Variants in PTCHD4 observed in about 807,000 individuals in gnomAD.
The protein encoded by PTCHD4 is patched domain-containing protein 4.
Under a neutral mutation model 58.1 loss-of-function variants are expected in PTCHD4, and 33 were observed. That is an observed-to-expected ratio of 0.57 (90% CI 0.43 to 0.76). PTCHD4 has a LOEUF of 0.76. Ranked by LOEUF, PTCHD4 falls within the 30% of genes least tolerant of loss-of-function variation. The pLI is 0.00. For synonymous variants in PTCHD4, 478 were observed against 409.6 expected, an observed-to-expected ratio of 1.17 and a Z score of -2.02; for missense variants, 1,058 against 1,027.1, an observed-to-expected ratio of 1.03 and a Z score of -0.41.
intron 4 of PTCHD4, among the ~76,000 whole-genome samples, chr6:47,984,224 T>C (rs1767984208): frequency 6.6e-6 from 1 of 152,172 alleles, no homozygotes; most frequent in Non-Finnish European, 1.5e-5. Flanking sequence ...ATAAAGATAC[T>C]ACCTGAAACT....
At chr6:48,075,250 C>T (rs1765041471) in intron 1 of PTCHD4, among the ~76,000 whole-genome samples, 1 of 152,120 alleles carries the variant, frequency 6.6e-6, no homozygotes, top group African/African-American at 2.4e-5. Flanking sequence ...ATGATAAACA[C>T]CATTCTTATT....
chr6:48,055,277 T>A (rs181729083), intron 3 of PTCHD4, among the ~76,000 whole-genome samples: 1 of 152,172 alleles, frequency 6.6e-6, no homozygotes, highest in Non-Finnish European at 1.5e-5. Flanking sequence ...ATGCAACCTA[T>A]GATGACAACT....
rs188775454 is a variant in PTCHD4 at position 47,872,408 on chromosome 6, G to C, written c.*5895C>G. ...TGTGGCAACAGAGGGAAAGAAAACC[G>C]TAATGCTCCTCTATTAGACCATGCC... On this transcript the variant is annotated 3_prime_UTR_variant, in exon 5 of 5. Coordinates refer to ENST00000339488, the MANE Select transcript of PTCHD4 (RefSeq NM_001384253.1). 6.6e-6 allele frequency among the ~76,000 whole-genome samples: 1 copy of C among 151,616 alleles called. No homozygotes were observed. The highest frequency in any genetic ancestry group is 6.6e-5 in the Admixed American group (1 of 15,166).
At chr6:48,098,079 A>T (rs944755837) in intron 1 of PTCHD4, among the ~76,000 whole-genome samples, 13 of 152,128 alleles carry the variant, frequency 8.5e-5, no homozygotes, top group African/African-American at 3.1e-4. Flanking sequence ...TAGTGTTGCC[A>T]GCCACAATCA....
In PTCHD4 at chr6:47,877,778, C is replaced by T. The variant is rs751277762; in HGVS notation, c.*525G>A. Among the ~76,000 whole-genome samples the T allele has an allele frequency of 5.9e-5, 9 of 151,882 alleles. No homozygotes were observed. Among genetic ancestry groups the T allele is most frequent in the Admixed American group, 2.0e-4 (3 of 15,220 alleles). ...AGACAAAACTAAGTATATGTATATA[C>T]GGGATATATACATATATATGTACAC... On this transcript the variant is annotated 3_prime_UTR_variant, in exon 5 of 5. Coordinates refer to ENST00000339488, the MANE Select transcript of PTCHD4 (RefSeq NM_001384253.1).
At chr6:47,999,615 G>T (rs957511574) in intron 4 of PTCHD4, among the ~76,000 whole-genome samples, 1 of 152,098 alleles carries the variant, frequency 6.6e-6, no homozygotes, top group African/African-American at 2.4e-5. Context: ...CACGCTTTGG[G>T]AAATAGACGT....
chr6:48,094,396 T>C (rs979191163), intron 1 of PTCHD4, among the ~76,000 whole-genome samples: 2 of 152,114 alleles, frequency 1.3e-5, no homozygotes, highest in African/African-American at 4.8e-5. Flanking sequence ...GCTGGGTTGA[T>C]AGATAAGGGG....
chr6:47,879,818 C>T lies in PTCHD4; in HGVS notation c.1017G>A (p.Met339Ile). Residue 339 changes from methionine (M) to isoleucine (I), a missense_variant, in exon 5 of 5, where the codon ATG (methionine) becomes ATA (isoleucine). By Grantham distance (10) the Met-to-Ile change is conservative. Coordinates refer to ENST00000339488, the MANE Select transcript of PTCHD4 (RefSeq NM_001384253.1). The stretch of plus-strand genomic sequence containing the variant: ...AAGTGATGAAGTACAGGGAGCTGGT[C>T]ATGGTATAGGTGACCATCACATCAG... ...AYSDVMVTYT[M>I]TSSLYFITFG... 6.2e-7 allele frequency: 1 copy of T among 1,613,444 alleles called. No individual in the cohort carries two copies. The highest frequency in any genetic ancestry group is 1.1e-5 in the South Asian group (1 of 90,990).
At chr6:47,955,697 T>G (rs1411513286) in intron 4 of PTCHD4, among the ~76,000 whole-genome samples, 2 of 152,156 alleles carry the variant, frequency 1.3e-5, no homozygotes, top group African/African-American at 2.4e-5. Context: ...TTAGTAAGAG[T>G]AAGGCTTATG....
At chr6:48,038,364 G>A (rs1447898782) in intron 3 of PTCHD4, among the ~76,000 whole-genome samples, 1 of 152,036 alleles carries the variant, frequency 6.6e-6, no homozygotes, top group East Asian at 1.9e-4. Flanking sequence ...TCTAGAGGCT[G>A]CATGTGGCAG....
At chr6:48,004,346 T>C (rs1019919320) in intron 4 of PTCHD4, among the ~76,000 whole-genome samples, 7 of 152,088 alleles carry the variant, frequency 4.6e-5, no homozygotes, top group Non-Finnish European at 1.0e-4. Flanking sequence ...AGACTCAGAA[T>C]GGACAAAAAA....
At chr6:48,020,597 A>G (rs893640231) in intron 3 of PTCHD4, among the ~76,000 whole-genome samples, 5 of 152,128 alleles carry the variant, frequency 3.3e-5, no homozygotes, top group African/African-American at 9.7e-5. Flanking sequence ...CTGCATGTCG[A>G]AACCAAGATA....
At chr6:47,897,941 T>C (rs1170787595) in intron 4 of PTCHD4, among the ~76,000 whole-genome samples, 14 of 27,488 alleles carry the variant, frequency 5.1e-4, no homozygotes, top group Non-Finnish European at 8.8e-4. Flanking sequence ...TCTTTCTTTC[T>C]TTTTTTTTTT....
Position 47,878,464 on chromosome 6 carries a change from A to T in PTCHD4, c.2371T>A (p.Cys791Ser). ...ATAACAAAACAGTGCAGAAGTGTGC[A>T]ACCCCCAGTGAGCAGCAAGCATTTG... is the stretch of plus-strand genomic sequence containing the variant. ...LFKCLLLTGGCTLLHCFVILP... is the reference protein window; with the variant it reads ...LFKCLLLTGGSTLLHCFVILP... Residue 791 changes from cysteine to serine, a missense_variant, in exon 5 of 5, where the codon TGC becomes AGC. Cys to Ser is a moderately radical substitution (Grantham distance 112). Transcript: ENST00000339488. 6.2e-7 allele frequency: 1 copy of T among 1,613,558 alleles called. No homozygotes were observed. The highest frequency in any genetic ancestry group is 1.1e-5 in the South Asian group (1 of 91,074).
intron 1 of PTCHD4, among the ~76,000 whole-genome samples, chr6:48,082,827 C>T (rs1401598042): frequency 4.6e-5 from 7 of 151,910 alleles, no homozygotes; most frequent in South Asian, 2.1e-4. Context: ...ATGTATATAA[C>T]GAATGGTATA....
At chr6:48,084,002 A>G (rs1765214456) in intron 1 of PTCHD4, among the ~76,000 whole-genome samples, 1 of 152,170 alleles carries the variant, frequency 6.6e-6, no homozygotes, top group East Asian at 1.9e-4. Context: ...GGGAGTTGTA[A>G]GCCACTAAGT....
At position 47,905,692 on chromosome 6, in the gene PTCHD4, T is replaced by G. The variant is rs184324560; in HGVS notation, c.899-25756A>C. On this transcript the variant is annotated intron_variant, in intron 4 of 4. Transcript: ENST00000339488. ...ATTACTGTATCCCCAATGTGCATAATACATCAACACATCACACAGAGTAGA... is the reference window on the plus strand; with the variant it reads ...ATTACTGTATCCCCAATGTGCATAAGACATCAACACATCACACAGAGTAGA... Among the ~76,000 whole-genome samples, 4 of 152,334 alleles carry G rather than the reference T, an allele frequency of 2.6e-5. No individual in the cohort carries two copies. In the East Asian group the frequency reaches 7.7e-4, roughly 29 times the overall value.
At chr6:48,070,058 G>T (rs1471237754) in intron 1 of PTCHD4, among the ~76,000 whole-genome samples, 132 bp from the exon 2 acceptor site, 1 of 152,086 alleles carries the variant, frequency 6.6e-6, no homozygotes, top group African/African-American at 2.4e-5. Flanking sequence ...ACCCAAAAGT[G>T]TGAAGATGAG....
rs1763566407 is a variant in PTCHD4 at position 47,866,515 on chromosome 6, T to A, written c.*11788A>T. On this transcript the variant is annotated 3_prime_UTR_variant, in exon 5 of 5. Transcript: ENST00000339488. ...ATGGTCTCGTATGGCCACTTGGTTG[T>A]TGGATTTATCTCCATTCTACTTCTG... is the stretch of plus-strand genomic sequence containing the variant. 6.6e-6 allele frequency among the ~76,000 whole-genome samples: 1 copy of A among 151,850 alleles called. No homozygotes were observed. The highest frequency in any genetic ancestry group is 1.5e-5 in the Non-Finnish European group (1 of 67,866).
Sources: allele counts gnomAD v4.1 joint callset (sites outside exome capture counted in the v4.1 genomes callset), GRCh38; gene constraint gnomAD v4.1.1; transcripts MANE v1.5; gene names NCBI Gene and HGNC (gene_info 2026-07-23, HGNC 2026-07-21).